The following DNAJC7 variants were observed in gnomAD, a reference collection of about 807,000 sequenced individuals.
DNAJC7 encodes DnaJ heat shock protein family (Hsp40) member C7.
DNAJC7 carries 18 observed loss-of-function variants against 67.4 expected under a neutral mutation model. The observed-to-expected ratio is 0.27, with a 90% CI of 0.18 to 0.40. DNAJC7 has a LOEUF of 0.40. Ranked by LOEUF, DNAJC7 falls within the 10% of genes least tolerant of loss-of-function variation. The probability of loss-of-function intolerance (pLI) is 1.00; values close to 1 mark genes in which losing one functional copy is unlikely to be tolerated. For missense variants in DNAJC7, 419 were observed against 613.8 expected (o/e 0.68, Z 3.35); for synonymous variants, 220 against 207.8 (o/e 1.06, Z -0.50).
chr17:42,001,701 C>T (rs959916995), intron 1 of DNAJC7, among the ~76,000 whole-genome samples: 1 of 152,150 alleles, frequency 6.6e-6, no homozygotes, highest in Non-Finnish European at 1.5e-5. Context: ...GTTCTTAAAC[C>T]TTGGTGATGG....
chr17:42,001,110 A>AAGCAT (rs1460459728), intron 1 of DNAJC7: 1 of 152,662 alleles, frequency 6.6e-6, no homozygotes, highest in Non-Finnish European at 1.5e-5. Context: ...AAAGAGTTAA[A>AAGCAT]AGCATAGCAT....
intron 2 of DNAJC7, among the ~76,000 whole-genome samples, chr17:41,999,374 G>C (rs368046048): frequency 1.3e-5 from 2 of 151,932 alleles, no homozygotes; most frequent in African/African-American, 4.8e-5. Context: ...CGCCCGCCTC[G>C]GCCTCCCAAA....
intron 4 of DNAJC7, among the ~76,000 whole-genome samples, 172 bp downstream of exon 4, chr17:41,996,139 C>CA (rs1211759592): frequency 6.6e-6 from 1 of 152,230 alleles, no homozygotes; most frequent in Non-Finnish European, 1.5e-5. Context: ...ATTCAAAACT[C>CA]ATTTTACAGA....
chr17:41,987,638 G>A, intron 9 of DNAJC7, 181 bp downstream of exon 9: 1 of 532,536 alleles, frequency 1.9e-6, no homozygotes, highest in Non-Finnish European at 3.3e-6. Flanking sequence ...GAGGGAGCTT[G>A]TGCAATCTCC....
Position 41,976,782 on chromosome 17 carries a change from AAG to A in DNAJC7, c.1448-14_1448-13del, listed in dbSNP as rs782218662. On this transcript the variant is annotated splice_polypyrimidine_tract_variant and intron_variant, in intron 13 of 13. Coordinates refer to ENST00000457167, the MANE Select transcript of DNAJC7 (RefSeq NM_003315.4). ...CCCTGGACCAGATGCTGAAAGAGAA[AAG>A]AGGGGTTGGTAGTTGGCTATGGATT... The A allele has an allele frequency of 3.1e-6, 5 of 1,609,992 alleles. No individual in the cohort carries two copies. The highest frequency in any genetic ancestry group is 2.2e-5 in the East Asian group (1 of 44,818).
intron 5 of DNAJC7, among the ~76,000 whole-genome samples, chr17:41,993,425 C>T (rs548389950): frequency 1.4e-3 from 210 of 152,270 alleles, no homozygotes; most frequent in Non-Finnish European, 2.0e-3. Flanking sequence ...CGCCACTGCA[C>T]TCCAGCCTGG....
chr17:41,994,783 T>C (rs1394927104), intron 5 of DNAJC7, 87 bp downstream of exon 5: 1 of 1,143,312 alleles, frequency 8.7e-7, no homozygotes, highest in Non-Finnish European at 1.3e-6. Context: ...TTTTGTGCCA[T>C]ACTACTCCTC....
chr17:42,011,304 T>G (rs1317356896), intron 1 of DNAJC7: 1 of 152,232 alleles, frequency 6.6e-6, no homozygotes, highest in Non-Finnish European at 1.5e-5. Context: ...TTGGCTGGAA[T>G]GTACAATAAG....
chr17:41,986,016 C>T (rs1555646705), intron 9 of DNAJC7: 1 of 108,426 alleles, frequency 9.2e-6, no homozygotes, highest in Non-Finnish European at 1.7e-5. Flanking sequence ...CCGAGCAAAT[C>T]AAGAATTTTC....
chr17:41,977,097 C>T (rs372665738), intron 13 of DNAJC7, 164 bp downstream of exon 13: 11 of 763,752 alleles, frequency 1.4e-5, no homozygotes, highest in East Asian at 1.1e-4. Context: ...TGGGAACCTT[C>T]CTGTCTTCAT....
At chr17:41,979,285 G>C (rs2051177876) in intron 12 of DNAJC7, among the ~76,000 whole-genome samples, 2 of 151,858 alleles carry the variant, frequency 1.3e-5, no homozygotes, top group South Asian at 4.1e-4. Flanking sequence ...GTTGCCGTGA[G>C]CTGAGACTGC....
At chr17:42,012,822 G>T (rs1220609418) in intron 1 of DNAJC7, among the ~76,000 whole-genome samples, 1 of 151,950 alleles carries the variant, frequency 6.6e-6, no homozygotes, top group African/African-American at 2.4e-5. Flanking sequence ...TTGAGACAGG[G>T]TTTCACTCTG....
chr17:41,997,869 ATTT>A (rs2051702910), intron 2 of DNAJC7, among the ~76,000 whole-genome samples: 1 of 151,798 alleles, frequency 6.6e-6, no homozygotes, highest in Non-Finnish European at 1.5e-5. Flanking sequence ...CTGTATTTTT[ATTT>A]ATTTATTTGA....
At chr17:41,994,511 C>G (rs2051602728) in intron 5 of DNAJC7, among the ~76,000 whole-genome samples, 1 of 117,886 alleles carries the variant, frequency 8.5e-6, no homozygotes, top group African/African-American at 3.4e-5. Context: ...CAGAGTGAGA[C>G]TAGGCCTCAA....
intron 1 of DNAJC7, chr17:42,011,757 A>G (rs1299843638): frequency 6.6e-6 from 1 of 152,314 alleles, no homozygotes; most frequent in East Asian, 1.9e-4. Context: ...CAAGAGGAAG[A>G]TTAGAAGGAC....
At chr17:42,012,521 TAAGA>T (rs1230304679) in intron 1 of DNAJC7, among the ~76,000 whole-genome samples, 1 of 152,168 alleles carries the variant, frequency 6.6e-6, no homozygotes, top group Non-Finnish European at 1.5e-5. Flanking sequence ...AAGTTTACCA[TAAGA>T]AAGACTCCCT....
chr17:41,978,347 C>T (rs1252309727), intron 12 of DNAJC7, among the ~76,000 whole-genome samples: 1 of 152,148 alleles, frequency 6.6e-6, no homozygotes, highest in Non-Finnish European at 1.5e-5. Context: ...TGAATGACCC[C>T]GAGTCAGCTA....
Position 41,977,981 on chromosome 17 carries a change from C to A in DNAJC7, c.1385-658G>T, listed in dbSNP as rs1313755193. Among the ~76,000 whole-genome samples, 6 of 152,072 alleles carry A rather than the reference C, an allele frequency of 3.9e-5. No individual in the cohort carries two copies. The East Asian group carries it at 9.6e-4, about 24-fold the overall frequency. On this transcript the variant is annotated intron_variant, in intron 12 of 13. Coordinates refer to ENST00000457167, the MANE Select transcript of DNAJC7 (RefSeq NM_003315.4). ...TAACAACAACAAACCAACAAAAACA[C>A]CTACTAGGTGCAAAGTACTAGGTAC... is the stretch of plus-strand genomic sequence containing the variant.
chr17:42,001,531 A>C (rs1359356059), intron 1 of DNAJC7, among the ~76,000 whole-genome samples: 1 of 152,198 alleles, frequency 6.6e-6, no homozygotes, highest in Non-Finnish European at 1.5e-5. Context: ...AAATCATTCC[A>C]CTGCTCAAGT....
Sources: allele counts gnomAD v4.1 joint callset (sites outside exome capture counted in the v4.1 genomes callset), GRCh38; gene constraint gnomAD v4.1.1; transcripts MANE v1.5; gene names NCBI Gene and HGNC (gene_info 2026-07-23, HGNC 2026-07-21).